LYRM4: variants seen among roughly 807,000 people sequenced by gnomAD.
The protein encoded by LYRM4 is LYR motif-containing protein 4.
LYRM4 carries 9 observed loss-of-function variants against 11.7 expected under a neutral mutation model. The observed-to-expected ratio is 0.77, with a 90% CI of 0.46 to 1.34. The LOEUF (loss-of-function observed/expected upper bound fraction) is 1.34. Ranked by LOEUF, LYRM4 falls within the 40% of genes most tolerant of loss-of-function variation. The pLI is 0.00. For missense variants in LYRM4, 133 were observed against 112.5 expected, an observed-to-expected ratio of 1.18 and a Z score of -0.82; for synonymous variants, 42 against 40.4, an observed-to-expected ratio of 1.04 and a Z score of -0.15.
intron 1 of LYRM4, among the ~76,000 whole-genome samples, chr6:5,222,312 A>T (rs183088589): frequency 3.4e-4 from 52 of 152,378 alleles, no homozygotes; most frequent in Middle Eastern, 3.4e-3. Context: ...CAATGAAAAA[A>T]GGGTTTGCAG....
the LYRM4 span, among the ~76,000 whole-genome samples, chr6:5,058,736 C>G: frequency 5.3e-5 from 8 of 152,204 alleles, no homozygotes; most frequent in African/African-American, 1.9e-4. Flanking sequence ...ATGCTTGATT[C>G]GGTTTTACAG....
intron 1 of LYRM4, among the ~76,000 whole-genome samples, chr6:5,219,315 C>T (rs1170898130): frequency 6.6e-6 from 1 of 152,184 alleles, no homozygotes; most frequent in African/African-American, 2.4e-5. Context: ...ACTTGTTTGT[C>T]TCCCCAGCTC....
At chr6:5,065,281 G>A in the LYRM4 span, among the ~76,000 whole-genome samples, 5 of 151,772 alleles carry the variant, frequency 3.3e-5, no homozygotes, top group Admixed American at 6.6e-5. Context: ...GGACATCTTC[G>A]TTGCTTCCAA....
chr6:5,066,791 C>T, the LYRM4 span: 1 of 739,438 alleles, frequency 1.4e-6, no homozygotes, highest in South Asian at 1.6e-5. Flanking sequence ...TGGAGTTTAA[C>T]ACCCTCCTTG....
At chr6:5,154,783 C>T (rs1027250815) in intron 2 of LYRM4, among the ~76,000 whole-genome samples, 30 of 152,168 alleles carry the variant, frequency 2.0e-4, no homozygotes, top group African/African-American at 6.7e-4. Context: ...CGCGCCACTG[C>T]ACTCCAGCCT....
chr6:5,114,780 T>C (rs182807268), intron 2 of LYRM4, among the ~76,000 whole-genome samples: 208 of 151,960 alleles, frequency 1.4e-3, no homozygotes, highest in African/African-American at 4.9e-3. Flanking sequence ...AAATCTCATG[T>C]TTTAAGTTTA....
At chr6:5,149,558 C>A (rs1388095090) in intron 2 of LYRM4, among the ~76,000 whole-genome samples, 1 of 122,126 alleles carries the variant, frequency 8.2e-6, no homozygotes, top group Non-Finnish European at 1.6e-5. Context: ...AGATATTCTC[C>A]AAAATACTCT....
the LYRM4 span, among the ~76,000 whole-genome samples, chr6:5,061,834 G>A: frequency 1.3e-5 from 2 of 152,034 alleles, no homozygotes; most frequent in Admixed American, 6.6e-5. Context: ...TGAATAAGAC[G>A]CAAGACCCAG....
In LYRM4 at chr6:5,132,427, A is replaced by G. The variant is rs547996305; in HGVS notation, c.208-22936T>C. Reference sequence around the variant, plus strand: ...CTAGCACTTAAAAAAAACAAAAACAAAAACAGAAACTACAACACACCTCCT... The same window carrying G: ...CTAGCACTTAAAAAAAACAAAAACAGAAACAGAAACTACAACACACCTCCT... On this transcript the variant is annotated intron_variant, in intron 2 of 2. Transcript: ENST00000330636. Among the ~76,000 whole-genome samples, 5 of 152,290 alleles carry G rather than the reference A, an allele frequency of 3.3e-5. No individual in the cohort carries two copies. The East Asian group carries it at 9.7e-4, about 29-fold the overall frequency.
At chr6:5,092,470 C>T in the LYRM4 span, among the ~76,000 whole-genome samples, 2 of 151,674 alleles carry the variant, frequency 1.3e-5, no homozygotes, top group Non-Finnish European at 2.9e-5. Flanking sequence ...CCAGCACTTT[C>T]GGAGGCTGAG....
chr6:5,177,100 G>A (rs888486052), intron 2 of LYRM4, among the ~76,000 whole-genome samples: 12 of 152,188 alleles, frequency 7.9e-5, no homozygotes, highest in African/African-American at 1.2e-4. Flanking sequence ...GGAAAAGTGC[G>A]AATACAGTTG....
intron 1 of LYRM4, among the ~76,000 whole-genome samples, chr6:5,254,297 C>T (rs893738383): frequency 4.6e-5 from 7 of 152,120 alleles, no homozygotes; most frequent in African/African-American, 1.4e-4. Context: ...TGAAGCATCT[C>T]GACAACTTTT....
the LYRM4 span, among the ~76,000 whole-genome samples, chr6:5,067,971 A>G: frequency 6.6e-6 from 1 of 152,226 alleles, no homozygotes; most frequent in Non-Finnish European, 1.5e-5. Flanking sequence ...ACTTTCACAT[A>G]CTTAAAATCT....
rs751889080 is a variant in LYRM4 at position 5,260,613 on chromosome 6, C to A, written c.86+35G>T. The A allele has an allele frequency of 7.7e-6, 10 of 1,306,330 alleles. No homozygotes were observed. In the Admixed American group the frequency reaches 1.6e-4, roughly 21 times the overall value. 80.9% of individuals were successfully genotyped at this position (1,306,330 alleles called of 1,614,324 possible). On this transcript the variant is annotated intron_variant, in intron 1 of 2. Coordinates refer to ENST00000330636, the MANE Select transcript of LYRM4 (RefSeq NM_020408.6). ...GCACCCCCGGTCCCCGGCCCCTGGC[C>A]CCCCGCCCCCGGCCCCCGGTGCCCG...
downstream of LYRM4, chr6:5,103,714 G>A (rs1581271921): frequency 7.2e-6 from 1 of 139,304 alleles, no homozygotes. Context: ...CCGGCTCATT[G>A]CAACCTCTGC....
the LYRM4 span, among the ~76,000 whole-genome samples, chr6:5,092,642 C>T: frequency 9.2e-5 from 14 of 152,222 alleles, no homozygotes; most frequent in South Asian, 1.2e-3. Flanking sequence ...CCCTTGAACC[C>T]GGGAAGCAGA....
chr6:5,233,970 A>G (rs71557549), intron 1 of LYRM4, among the ~76,000 whole-genome samples: 7,464 of 152,310 alleles, frequency 0.049, 598 homozygotes, highest in African/African-American at 0.16. Flanking sequence ...TTCTGTCACA[A>G]TGCAGTTCTA....
At chr6:5,060,164 G>A in the LYRM4 span, among the ~76,000 whole-genome samples, 1 of 152,250 alleles carries the variant, frequency 6.6e-6, no homozygotes, top group Non-Finnish European at 1.5e-5. Context: ...ACACACGAAA[G>A]TGTGGGATCA....
chr6:5,112,678 A>T (rs379508), intron 2 of LYRM4, among the ~76,000 whole-genome samples: 1 of 152,120 alleles, frequency 6.6e-6, no homozygotes, highest in East Asian at 1.9e-4. Flanking sequence ...GAGATAAATG[A>T]CCTAGCATCT....
Sources: allele counts gnomAD v4.1 joint callset (sites outside exome capture counted in the v4.1 genomes callset), GRCh38; gene constraint gnomAD v4.1.1; transcripts MANE v1.5; gene names NCBI Gene and HGNC (gene_info 2026-07-23, HGNC 2026-07-21).